The following HLA-DMA variants were observed in gnomAD, a reference collection of about 807,000 sequenced individuals.
The protein encoded by HLA-DMA is major histocompatibility complex, class II, DM alpha, also known as HLA class II histocompatibility antigen, DM alpha chain.
In HLA-DMA, 20 loss-of-function variants were observed where a neutral mutation model predicts 27.3. That is an observed-to-expected ratio of 0.73 (90% CI 0.52 to 1.07). The LOEUF (loss-of-function observed/expected upper bound fraction) is 1.07, where lower values mean the gene tolerates loss of function less well. Ranked by LOEUF, HLA-DMA falls within the 50% of genes least tolerant of loss-of-function variation. HLA-DMA has a pLI of 0.00. For missense variants in HLA-DMA, 241 were observed against 321.7 expected, an observed-to-expected ratio of 0.75 and a Z score of 1.92; for synonymous variants, 111 against 126.8, an observed-to-expected ratio of 0.88 and a Z score of 0.83.
In HLA-DMA at chr6:32,950,515, T is replaced by A; in HGVS notation, c.373+4A>T. ...CTCCCTTCACTCCCCAGAAAACTCC[T>A]GACCTCTGGACACCGGGATTTTCCC... On this transcript the variant is annotated splice_donor_region_variant and intron_variant, in intron 2 of 4. Coordinates refer to ENST00000374843, the MANE Select transcript of HLA-DMA (RefSeq NM_006120.4). This position sits in a 1 kb window ranked among gnomAD's most constrained non-coding sequence, Gnocchi z 5.0. 1 of 1,613,054 alleles carries A rather than the reference T, an allele frequency of 6.2e-7. No homozygotes were observed. Among genetic ancestry groups the A allele is most frequent in the Non-Finnish European group, 8.5e-7 (1 of 1,179,994 alleles).
chr6:32,950,250 G>A lies in HLA-DMA; in HGVS notation c.373+269C>T. The A allele has an allele frequency of 1.7e-6, 1 of 595,878 alleles. No homozygotes were observed. Among genetic ancestry groups the A allele is most frequent in the Non-Finnish European group, 3.0e-6 (1 of 336,020 alleles). 36.9% of individuals were successfully genotyped at this position (595,878 alleles called of 1,614,324 possible). The stretch of plus-strand genomic sequence containing the variant: ...CCCATCCATCTTGCTGGGCATAGTA[G>A]CACAAGTGTTAATATTCAGTAGGTA... On this transcript the variant is annotated intron_variant, in intron 2 of 4. Coordinates refer to ENST00000374843, the MANE Select transcript of HLA-DMA (RefSeq NM_006120.4). The surrounding 1 kb of genome is among the most constrained non-coding windows in gnomAD (Gnocchi z 5.0).
Position 32,948,728 on chromosome 6 carries a change from G to GA in HLA-DMA, c.*135dup. On this transcript the variant is annotated 3_prime_UTR_variant, in exon 5 of 5. Transcript: ENST00000374843. ...CAGGGACAGCAGAGTCCCCAGGTGG[G>GA]AAATCTACACACACACCCCAGGGAT... is the stretch of plus-strand genomic sequence containing the variant. 1 of 1,076,718 alleles carries GA rather than the reference G, an allele frequency of 9.3e-7. No individual in the cohort carries two copies. Among genetic ancestry groups the GA allele is most frequent in the Non-Finnish European group, 1.4e-6 (1 of 702,742 alleles). 66.7% of individuals were successfully genotyped at this position (1,076,718 alleles called of 1,614,324 possible).
chr6:32,952,219 C>A, intron 1 of HLA-DMA: 1 of 421,100 alleles, frequency 2.4e-6, no homozygotes, highest in Non-Finnish European at 4.9e-6. Context: ...ATGGCTACAG[C>A]CTCCCCAAGC....
rs371995412 is a variant in HLA-DMA at position 32,952,980 on chromosome 6, C to T, written c.57G>A (p.Trp19Ter). 1 of 1,612,924 alleles carries T rather than the reference C, an allele frequency of 6.2e-7. No individual in the cohort carries two copies. The highest frequency in any genetic ancestry group is 8.5e-7 in the Non-Finnish European group (1 of 1,179,952). The change falls in exon 1 of 5, where the codon TGG becomes TGA. Residue 19 changes from tryptophan (W) to a stop codon, truncating the protein, a stop_gained. Coordinates refer to ENST00000374843, the MANE Select transcript of HLA-DMA (RefSeq NM_006120.4). LOFTEE classifies it high-confidence loss of function. ...AALLQMLPLL[W>*]LLPHSWAVPE... ...GGACGGCCCAGGAGTGGGGTAGCAG[C>T]CACAGAAGTGGTAACATCTGTAGCA...
intron 1 of HLA-DMA, among the ~76,000 whole-genome samples, chr6:32,951,656 C>T (rs972573699): frequency 2.6e-5 from 4 of 150,998 alleles, no homozygotes; most frequent in Non-Finnish European, 5.9e-5. Context: ...AGGCCGGGCG[C>T]GGTGGCTCAA....
rs1776856323 is a variant in HLA-DMA at position 32,950,667 on chromosome 6, C to T, written c.225G>A (p.Gln75=). 3.1e-6 allele frequency: 5 copies of T among 1,612,958 alleles called. No homozygotes were observed. The highest frequency in any genetic ancestry group is 4.2e-6 in the Non-Finnish European group (5 of 1,180,044). The change falls in exon 2 of 5, where the codon CAG becomes CAA. Residue 75 remains glutamine, a synonymous_variant. Coordinates refer to ENST00000374843, the MANE Select transcript of HLA-DMA (RefSeq NM_006120.4). The surrounding 1 kb of genome is among the most constrained non-coding windows in gnomAD (Gnocchi z 5.0). ...CGGGCAGGCGAGGCACCCGAGTGTT[C>T]TGGGAAAAGTCGAAGAAGAAAAGCT... is the stretch of plus-strand genomic sequence containing the variant. ...EDQLFFFDFS[Q]NTRVPRLPEF... is the part of the protein sequence containing the mutation.
intron 4 of HLA-DMA, 53 bp from the exon 5 acceptor site, chr6:32,948,921 T>G (rs1001503678): frequency 1.9e-6 from 3 of 1,590,322 alleles, no homozygotes; most frequent in Non-Finnish European, 2.6e-6. Flanking sequence ...ATCCTCCTCC[T>G]CCTTCTCCTC....
Position 32,949,879 on chromosome 6 carries a change from G to A in HLA-DMA, c.384C>T (p.Ile128=), listed in dbSNP as rs556267314. The part of the protein sequence containing the change: ...GKIPVSRGFP[I]AEVFTLKPLE... Reference sequence around the variant, plus strand: ...GGGGCTTCAGCGTGAACACTTCAGCGATAGGAAACCCTGGTGGGGGGATTG... The same window carrying A: ...GGGGCTTCAGCGTGAACACTTCAGCAATAGGAAACCCTGGTGGGGGGATTG... Residue 128 remains isoleucine (I), a synonymous_variant, in exon 3 of 5, where the codon ATC becomes ATT. Coordinates refer to ENST00000374843, the MANE Select transcript of HLA-DMA (RefSeq NM_006120.4). This position sits in a 1 kb window ranked among gnomAD's most constrained non-coding sequence, Gnocchi z 5.8. 3.7e-6 allele frequency: 6 copies of A among 1,612,512 alleles called. No individual in the cohort carries two copies. In the African/African-American group the frequency reaches 4.0e-5, roughly 11 times the overall value.
chr6:32,952,337 T>A (rs748177162), intron 1 of HLA-DMA: 2 of 471,098 alleles, frequency 4.2e-6, no homozygotes, highest in Non-Finnish European at 8.8e-6. Flanking sequence ...TCTCTCAAAA[T>A]GTCTTCTGTT....
rs1273060316 is a variant in HLA-DMA, at chr6:32,950,769, G to T, written c.123C>A (p.Asn41Lys). Residue 41 changes from asparagine (N) to lysine (K), a missense_variant, in exon 2 of 5, where the codon AAC becomes AAA. By Grantham distance (94) the Asn-to-Lys change is moderately conservative. Transcript: ENST00000374843. This position sits in a 1 kb window ranked among gnomAD's most constrained non-coding sequence, Gnocchi z 5.0. Reference protein sequence around the residue: ...PTPMWPDDLQNHTFLHTVYCQ... With the variant: ...PTPMWPDDLQKHTFLHTVYCQ... Reference sequence around the variant, plus strand: ...AGTACACTGTGTGCAGGAATGTGTGGTTTTGCAGGTCATCTGGCCACATTG... The same window carrying T: ...AGTACACTGTGTGCAGGAATGTGTGTTTTTGCAGGTCATCTGGCCACATTG... 6.2e-7 allele frequency: 1 copy of T among 1,612,658 alleles called. No homozygotes were observed. The highest frequency in any genetic ancestry group is 8.5e-7 in the Non-Finnish European group (1 of 1,179,654).
In HLA-DMA at chr6:32,950,448, G is replaced by T; in HGVS notation, c.373+71C>A. On this transcript the variant is annotated intron_variant, in intron 2 of 4. Coordinates refer to ENST00000374843, the MANE Select transcript of HLA-DMA (RefSeq NM_006120.4). This position sits in a 1 kb window ranked among gnomAD's most constrained non-coding sequence, Gnocchi z 5.0. ...TGAGATGGGGAGCTGGTATCAAGGG[G>T]AATTATTCAGTGTACAGATCAATGA... 1 of 1,507,030 alleles carries T rather than the reference G, an allele frequency of 6.6e-7. No homozygotes were observed. Among genetic ancestry groups the T allele is most frequent in the South Asian group, 1.2e-5 (1 of 84,584 alleles). The allele number at this position is 1,507,030 out of a possible 1,614,324, so 93.4% of individuals were successfully genotyped here. A position where few individuals can be genotyped will look rare whatever the true frequency, so the allele number is the denominator to read the frequency against.
chr6:32,948,944 C>G lies in HLA-DMA; in HGVS notation c.782-76G>C, dbSNP rs1020617825. On this transcript the variant is annotated intron_variant, in intron 4 of 4. Transcript: ENST00000374843. ...CCTCCTTCTCCTCCTCCTCCTCCCC[C>G]ACAAAGGCCTTGCTCGCCCTGCCTG... 3.2e-6 allele frequency: 5 copies of G among 1,550,916 alleles called. No homozygotes were observed. In the African/African-American group the frequency reaches 4.1e-5, roughly 13 times the overall value.
At chr6:32,952,262 C>T (rs769440373) in intron 1 of HLA-DMA, 1 of 465,724 alleles carries the variant, frequency 2.1e-6, no homozygotes, top group South Asian at 1.6e-5. Context: ...TATCCCCAGA[C>T]ACAAATGGTA....
In HLA-DMA at chr6:32,950,121, C is replaced by G; in HGVS notation, c.374-232G>C. On this transcript the variant is annotated intron_variant, in intron 2 of 4. Coordinates refer to ENST00000374843, the MANE Select transcript of HLA-DMA (RefSeq NM_006120.4). This position sits in a 1 kb window ranked among gnomAD's most constrained non-coding sequence, Gnocchi z 5.0. The stretch of plus-strand genomic sequence containing the variant: ...ATCCAGGCTACTCTGGACCCCTCCA[C>G]CATGACTTCCTTCAGCACTTCCTGT... 1 of 600,006 alleles carries G rather than the reference C, an allele frequency of 1.7e-6. No individual in the cohort carries two copies. The highest frequency in any genetic ancestry group is 2.1e-5 in the South Asian group (1 of 48,134). 37.2% of individuals were successfully genotyped at this position (600,006 alleles called of 1,614,324 possible).
chr6:32,950,943 T>A lies in HLA-DMA; in HGVS notation c.89-140A>T. 1 of 765,034 alleles carries A rather than the reference T, an allele frequency of 1.3e-6. No homozygotes were observed. The highest frequency in any genetic ancestry group is 2.1e-6 in the Non-Finnish European group (1 of 481,072). The allele number at this position is 765,034 out of a possible 1,614,324, so 47.4% of individuals were successfully genotyped here. A position where few individuals can be genotyped will look rare whatever the true frequency, so the allele number is the denominator to read the frequency against. ...AGGCCAAGGTGGGTGGATCATGAGG[T>A]CAGGAGTTTGAGACCAGCCTGGCCA... On this transcript the variant is annotated intron_variant, in intron 1 of 4. Transcript: ENST00000374843. This position sits in a 1 kb window ranked among gnomAD's most constrained non-coding sequence, Gnocchi z 5.0.
chr6:32,952,956 G>T lies in HLA-DMA; in HGVS notation c.81C>A (p.Val27=), dbSNP rs1373473123. The T allele has an allele frequency of 1.2e-6, 2 of 1,611,888 alleles. No individual in the cohort carries two copies. Among genetic ancestry groups the T allele is most frequent in the African/African-American group, 1.3e-5 (1 of 75,002 alleles). Reference sequence around the variant, plus strand: ...ATAGGAGTACCATCTTACCTTCAGGGACGGCCCAGGAGTGGGGTAGCAGCC... The same window carrying T: ...ATAGGAGTACCATCTTACCTTCAGGTACGGCCCAGGAGTGGGGTAGCAGCC... The part of the protein sequence containing the change: ...LLWLLPHSWA[V]PEAPTPMWPD... Residue 27 remains valine, a synonymous_variant, in exon 1 of 5, where the codon GTC becomes GTA. Transcript: ENST00000374843.
At position 32,951,798 on chromosome 6, in the gene HLA-DMA, A is replaced by G. The variant is rs146693865; in HGVS notation, c.89-995T>C. 9.9e-3 allele frequency among the ~76,000 whole-genome samples: 1,495 copies of G among 151,288 alleles called. 15 individuals carry two copies. Among genetic ancestry groups the G allele is most frequent in the Middle Eastern group, 0.049 (14 of 284 alleles). On this transcript the variant is annotated intron_variant, in intron 1 of 4. Coordinates refer to ENST00000374843, the MANE Select transcript of HLA-DMA (RefSeq NM_006120.4). The stretch of plus-strand genomic sequence containing the variant: ...ACAAAAATCAGCTGGGTGTGGTGGC[A>G]TGCGCCTGTAATCCCAGCTACTTGG...
chr6:32,948,777 A>C lies in HLA-DMA; in HGVS notation c.*87T>G. 2 of 1,496,618 alleles carry C rather than the reference A, an allele frequency of 1.3e-6. No individual in the cohort carries two copies. Among genetic ancestry groups the C allele is most frequent in the Non-Finnish European group, 1.9e-6 (2 of 1,072,996 alleles). The allele number at this position is 1,496,618 out of a possible 1,614,324, so 92.7% of individuals were successfully genotyped here. On this transcript the variant is annotated 3_prime_UTR_variant, in exon 5 of 5. Transcript: ENST00000374843. ...ATGTCCCAGAGACTTCTACCCTAAGAGGAGATCCTGGGCAGGATGTGAGAA... is the reference window on the plus strand; with the variant it reads ...ATGTCCCAGAGACTTCTACCCTAAGCGGAGATCCTGGGCAGGATGTGAGAA...
chr6:32,950,068 C>A lies in HLA-DMA; in HGVS notation c.374-179G>T. 1.5e-6 allele frequency: 1 copy of A among 646,818 alleles called. No individual in the cohort carries two copies. The allele number at this position is 646,818 out of a possible 1,614,324, so 40.1% of individuals were successfully genotyped here. ...AGGGAGGTCTTCTTCCAGGCAAGGACTGCAGCTAGACATAGAAGCAGAGCC... is the reference window on the plus strand; with the variant it reads ...AGGGAGGTCTTCTTCCAGGCAAGGAATGCAGCTAGACATAGAAGCAGAGCC... On this transcript the variant is annotated intron_variant, in intron 2 of 4. Coordinates refer to ENST00000374843, the MANE Select transcript of HLA-DMA (RefSeq NM_006120.4). This position sits in a 1 kb window ranked among gnomAD's most constrained non-coding sequence, Gnocchi z 5.0.
Sources: gnomAD v4.1 joint callset for allele counts (sites outside exome capture counted in the v4.1 genomes callset) on GRCh38, gnomAD v4.1.1 for gene constraint, Gnocchi (gnomAD v3.1) non-coding constraint, MANE v1.5 for transcripts, NCBI Gene and HGNC (gene_info 2026-07-23, HGNC 2026-07-21) for gene names.